The following RABGAP1L variants were observed in gnomAD, a reference collection of about 807,000 sequenced individuals.
RABGAP1L encodes rab GTPase-activating protein 1-like.
A neutral mutation model predicts 137.7 loss-of-function variants in RABGAP1L; 63 were observed. The observed-to-expected ratio is 0.46, with a 90% CI of 0.37 to 0.56. The LOEUF (loss-of-function observed/expected upper bound fraction) is 0.56. Among genes scored for constraint, RABGAP1L ranks in the 20% least tolerant of loss-of-function variants. The probability of loss-of-function intolerance (pLI) is 0.00; values close to 1 mark genes in which losing one functional copy is unlikely to be tolerated. For missense variants in RABGAP1L, 1,095 were observed against 1,244.0 expected, an observed-to-expected ratio of 0.88 and a Z score of 1.80; for synonymous variants, 431 against 433.7, an observed-to-expected ratio of 0.99 and a Z score of 0.08.
In RABGAP1L at chr1:174,637,440, T is replaced by C. The variant is rs1366833804; in HGVS notation, c.1776T>C (p.Phe592=). The C allele has an allele frequency of 1.9e-6, 3 of 1,613,112 alleles. No homozygotes were observed. Among genetic ancestry groups the C allele is most frequent in the Non-Finnish European group, 2.5e-6 (3 of 1,179,058 alleles). ...GTACATTTCCCGCACATGATTACTT[T>C]AAAGATACTGGAGGAGATGGTCAAG... is the stretch of plus-strand genomic sequence containing the variant. The part of the protein sequence containing the change: ...IHRTFPAHDY[F]KDTGGDGQES... Residue 592 remains phenylalanine, a synonymous_variant, in exon 14 of 26, where the codon TTT becomes TTC. Coordinates refer to ENST00000681986, the MANE Select transcript of RABGAP1L (RefSeq NM_001366446.1).
At chr1:174,427,832 C>G (rs1652137296) in intron 13 of RABGAP1L, among the ~76,000 whole-genome samples, 1 of 152,124 alleles carries the variant, frequency 6.6e-6, no homozygotes, top group South Asian at 2.1e-4. Context: ...TTATTACCTT[C>G]TACTGTGTGC....
At position 174,237,504 on chromosome 1, in the gene RABGAP1L, G is replaced by A. The variant is rs1356151568; in HGVS notation, c.543-3979G>A. ...CTGTCAGCATTTGCTTGTCTGTAAA[G>A]TATTTTATTTCTCCTTCACTTATGA... On this transcript the variant is annotated intron_variant, in intron 4 of 25. Transcript: ENST00000681986. 1.5e-4 allele frequency among the ~76,000 whole-genome samples: 10 copies of A among 65,776 alleles called. No individual in the cohort carries two copies. The Admixed American group carries it at 1.7e-3, about 11-fold the overall frequency. The allele number at this position is 65,776 out of a possible 152,430, so 43.2% of individuals were successfully genotyped here. A position where few individuals can be genotyped will look rare whatever the true frequency, so the allele number is the denominator to read the frequency against.
chr1:174,609,870 C>A (rs1457675650), intron 13 of RABGAP1L, among the ~76,000 whole-genome samples: 1 of 151,702 alleles, frequency 6.6e-6, no homozygotes, highest in East Asian at 1.9e-4. Context: ...ATGAGCAAAC[C>A]CCAAACAGTT....
At chr1:174,403,109 A>G (rs1432806725) in intron 13 of RABGAP1L, among the ~76,000 whole-genome samples, 4 of 152,010 alleles carry the variant, frequency 2.6e-5, no homozygotes, top group African/African-American at 9.7e-5. Flanking sequence ...AAGCTTTTAG[A>G]AATAATAATG....
At chr1:174,399,785 T>C (rs1648325278) in intron 13 of RABGAP1L, among the ~76,000 whole-genome samples, 1 of 152,074 alleles carries the variant, frequency 6.6e-6, no homozygotes, top group Non-Finnish European at 1.5e-5. Context: ...TGCCAGATGC[T>C]TATAAAACCA....
chr1:174,242,722 C>A (rs371031416), intron 5 of RABGAP1L, among the ~76,000 whole-genome samples: 1 of 152,154 alleles, frequency 6.6e-6, no homozygotes, highest in East Asian at 1.9e-4. Context: ...TATCAGAACC[C>A]ATGCCTTCTG....
chr1:174,777,547 C>T (rs968004155), intron 18 of RABGAP1L, among the ~76,000 whole-genome samples: 1 of 152,170 alleles, frequency 6.6e-6, no homozygotes, highest in Non-Finnish European at 1.5e-5. Flanking sequence ...TCGTCATCTG[C>T]ATGATCAAAG....
At chr1:174,305,938 G>A (rs1314098251) in intron 11 of RABGAP1L, among the ~76,000 whole-genome samples, 6 of 151,764 alleles carry the variant, frequency 4.0e-5, no homozygotes, top group Admixed American at 1.3e-4. Flanking sequence ...ATAACAGGCC[G>A]CAGTGTGTGA....
intron 13 of RABGAP1L, among the ~76,000 whole-genome samples, chr1:174,596,433 C>T (rs375852552): frequency 3.3e-5 from 5 of 152,168 alleles, no homozygotes; most frequent in African/African-American, 1.2e-4. Flanking sequence ...AGATCTTTCA[C>T]TTCTTTGGTT....
intron 13 of RABGAP1L, among the ~76,000 whole-genome samples, chr1:174,550,787 A>G (rs1328773851): frequency 6.8e-6 from 1 of 146,844 alleles, no homozygotes; most frequent in African/African-American, 2.6e-5. Context: ...TGGGAGGCCA[A>G]GGCAGGTGGA....
intron 14 of RABGAP1L, among the ~76,000 whole-genome samples, chr1:174,654,330 G>A (rs531030642): frequency 6.6e-6 from 1 of 152,290 alleles, no homozygotes; most frequent in East Asian, 1.9e-4. Flanking sequence ...GAGACCTAAT[G>A]TGTATTTTTA....
At chr1:174,746,328 G>A (rs1234616648) in intron 17 of RABGAP1L, among the ~76,000 whole-genome samples, 1 of 152,188 alleles carries the variant, frequency 6.6e-6, no homozygotes, top group Non-Finnish European at 1.5e-5. Context: ...TGAAATAGCA[G>A]TATCCAAATC....
chr1:174,665,574 G>A (rs553914593), intron 14 of RABGAP1L, among the ~76,000 whole-genome samples: 1 of 152,180 alleles, frequency 6.6e-6, no homozygotes, highest in East Asian at 1.9e-4. Flanking sequence ...TCCTGCCTTA[G>A]CCTCCCAAGT....
intron 15 of RABGAP1L, among the ~76,000 whole-genome samples, chr1:174,694,634 A>C (rs1301501979): frequency 2.0e-5 from 3 of 151,672 alleles, no homozygotes; most frequent in Non-Finnish European, 4.4e-5. Flanking sequence ...AGTCTTTGCT[A>C]TTGTGAATAA....
chr1:174,560,268 T>A (rs141326019), intron 13 of RABGAP1L, among the ~76,000 whole-genome samples: 1 of 152,330 alleles, frequency 6.6e-6, no homozygotes, highest in East Asian at 1.9e-4. Flanking sequence ...TGCACTAAAC[T>A]GTGTCTCCAC....
At chr1:174,287,302 C>G (rs1489276395) in intron 10 of RABGAP1L, among the ~76,000 whole-genome samples, 1 of 152,122 alleles carries the variant, frequency 6.6e-6, no homozygotes, top group Non-Finnish European at 1.5e-5. Context: ...TCTCTTCTGA[C>G]AGTTTTTGAC....
intron 13 of RABGAP1L, among the ~76,000 whole-genome samples, chr1:174,542,650 T>C (rs1160475796): frequency 6.6e-6 from 1 of 152,250 alleles, no homozygotes; most frequent in African/African-American, 2.4e-5. Flanking sequence ...TGAATGTGTT[T>C]GCTCTTGCTT....
intron 10 of RABGAP1L, among the ~76,000 whole-genome samples, chr1:174,284,722 G>C (rs1350075578): frequency 1.8e-5 from 1 of 56,342 alleles, no homozygotes; most frequent in Non-Finnish European, 4.0e-5. Flanking sequence ...ACCAACATTT[G>C]TTATTTCTTG....
chr1:174,234,817 G>T (rs1004434116), intron 4 of RABGAP1L, among the ~76,000 whole-genome samples: 2 of 148,350 alleles, frequency 1.3e-5, no homozygotes, highest in South Asian at 4.4e-4. Context: ...GTCATTGGTA[G>T]CTTGATGGGG....
Sources: allele counts gnomAD v4.1 joint callset (sites outside exome capture counted in the v4.1 genomes callset), GRCh38; gene constraint gnomAD v4.1.1; transcripts MANE v1.5; gene names NCBI Gene and HGNC (gene_info 2026-07-23, HGNC 2026-07-21).